EIF4G3: variants seen among roughly 807,000 people sequenced by gnomAD.
The protein encoded by EIF4G3 is eIF-4-gamma 3.
Under a neutral mutation model 186.4 loss-of-function variants are expected in EIF4G3, and 34 were observed. The observed-to-expected ratio is 0.18, with a 90% CI of 0.14 to 0.24. The LOEUF (loss-of-function observed/expected upper bound fraction) is 0.24. Among genes scored for constraint, EIF4G3 ranks in the 10% least tolerant of loss-of-function variants. EIF4G3 has a pLI of 1.00. For missense variants in EIF4G3, 1,536 were observed against 1,948.5 expected (o/e 0.79, Z 3.99); for synonymous variants, 673 against 679.5 (o/e 0.99, Z 0.15).
chr1:20,986,886 A>T (rs569381255), intron 7 of EIF4G3, among the ~76,000 whole-genome samples: 2 of 152,082 alleles, frequency 1.3e-5, no homozygotes, highest in Non-Finnish European at 2.9e-5. Flanking sequence ...ACTTCATTTC[A>T]ATCTGTTTTA....
intron 4 of EIF4G3, among the ~76,000 whole-genome samples, chr1:21,036,219 C>T (rs2093185068): frequency 6.6e-6 from 1 of 152,016 alleles, no homozygotes; most frequent in South Asian, 2.1e-4. Flanking sequence ...ACTCTAGGGC[C>T]TCCTCTCTGC....
rs148168714 is a variant in EIF4G3 at position 20,983,687 on chromosome 1, T to C, written c.178-1279A>G. Among the ~76,000 whole-genome samples, 96 of 152,302 alleles carry C rather than the reference T, an allele frequency of 6.3e-4. 4 individuals carry two copies. The South Asian group carries it at 0.018, about 29-fold the overall frequency. ...AGGCAGAGGATAAAAATCTTAATAC[T>C]GAAAGATCCTTTGAAATCAACTGTA... On this transcript the variant is annotated intron_variant, in intron 7 of 36. Transcript: ENST00000602326.
At chr1:21,055,704 G>C (rs2094531657) in intron 3 of EIF4G3, among the ~76,000 whole-genome samples, 1 of 151,938 alleles carries the variant, frequency 6.6e-6, no homozygotes, top group Non-Finnish European at 1.5e-5. Flanking sequence ...TATATCCAGT[G>C]CATTTCATAT....
intron 4 of EIF4G3, among the ~76,000 whole-genome samples, chr1:21,018,739 T>A (rs2154570620): frequency 6.6e-6 from 1 of 152,176 alleles, no homozygotes; most frequent in Middle Eastern, 3.4e-3. Context: ...CTCACTTAGT[T>A]CCCTTAAGAA....
At chr1:20,944,000 G>T (rs1157959937) in intron 13 of EIF4G3, among the ~76,000 whole-genome samples, 1 of 146,662 alleles carries the variant, frequency 6.8e-6, no homozygotes, top group African/African-American at 2.5e-5. Flanking sequence ...GTGTGTGTGT[G>T]TGTGTGTGTG....
chr1:20,886,585 G>A (rs1366904164), intron 18 of EIF4G3, among the ~76,000 whole-genome samples: 1 of 152,106 alleles, frequency 6.6e-6, no homozygotes, highest in Non-Finnish European at 1.5e-5. Context: ...TTTTGAACAA[G>A]AGGCCTTTTT....
chr1:21,010,581 ACT>A (rs1201244786), intron 4 of EIF4G3, among the ~76,000 whole-genome samples: 1 of 152,100 alleles, frequency 6.6e-6, no homozygotes, highest in Non-Finnish European at 1.5e-5. Flanking sequence ...CAAAAAACAA[ACT>A]CTATAACCAC....
chr1:21,014,800 G>C (rs6698462), intron 4 of EIF4G3, among the ~76,000 whole-genome samples: 66,481 of 151,590 alleles, frequency 0.44, 14,948 homozygotes, highest in Non-Finnish European at 0.47. Context: ...CACCCGGCTA[G>C]TTTTAGTATT....
At chr1:20,925,014 A>G (rs2094779472) in intron 14 of EIF4G3, among the ~76,000 whole-genome samples, 1 of 152,216 alleles carries the variant, frequency 6.6e-6, no homozygotes, top group African/African-American at 2.4e-5. Context: ...TGTCTTCCCC[A>G]TCTTGCTCTT....
intron 2 of EIF4G3, chr1:21,167,860 T>C (rs2097884631): frequency 3.5e-6 from 1 of 283,008 alleles, no homozygotes; most frequent in Admixed American, 5.5e-5. Flanking sequence ...GAAATGTAAA[T>C]AATTGTATGG....
At chr1:20,863,078 T>C (rs1444677885) in intron 22 of EIF4G3, among the ~76,000 whole-genome samples, 2 of 152,008 alleles carry the variant, frequency 1.3e-5, no homozygotes, top group Non-Finnish European at 2.9e-5. Context: ...TGTGAGCCAC[T>C]GTGCCCGGCC....
At chr1:21,082,208 A>G (rs912448679) in intron 3 of EIF4G3, among the ~76,000 whole-genome samples, 13 of 149,784 alleles carry the variant, frequency 8.7e-5, no homozygotes, top group African/African-American at 2.7e-4. Flanking sequence ...ATCTTTGTGT[A>G]ATTTTGAGAC....
At chr1:21,053,799 G>A (rs1003967999) in intron 3 of EIF4G3, among the ~76,000 whole-genome samples, 44 of 148,836 alleles carry the variant, frequency 3.0e-4, no homozygotes, top group Non-Finnish European at 6.3e-4. Flanking sequence ...CTACTGGGAA[G>A]AGAGGAGCCC....
rs2058925690 is a variant in EIF4G3, at chr1:20,810,016, G to GC, written c.4744+721dup. On this transcript the variant is annotated intron_variant, in intron 36 of 36. Transcript: ENST00000602326. This position sits in a 1 kb window ranked among gnomAD's most constrained non-coding sequence, Gnocchi z 4.1. The stretch of plus-strand genomic sequence containing the variant: ...GACAGAGTCTTGCTCTGTTGTCCAG[G>GC]CCGGAGTGCAGTGGCGCCATCTTGG... Among the ~76,000 whole-genome samples the GC allele has an allele frequency of 1.3e-5, 2 of 152,072 alleles. No homozygotes were observed. Among genetic ancestry groups the GC allele is most frequent in the East Asian group, 3.9e-4 (2 of 5,182 alleles).
intron 30 of EIF4G3, among the ~76,000 whole-genome samples, chr1:20,830,188 G>C (rs1326513978): frequency 6.6e-6 from 1 of 152,154 alleles, no homozygotes; most frequent in Non-Finnish European, 1.5e-5. Flanking sequence ...TAAAACGTGT[G>C]CTTTTCCACT....
At chr1:20,896,975 T>C (rs1033764259) in intron 16 of EIF4G3, among the ~76,000 whole-genome samples, 2 of 152,228 alleles carry the variant, frequency 1.3e-5, no homozygotes, top group Non-Finnish European at 2.9e-5. Context: ...AATACTCTTT[T>C]GTTTGCACAA....
chr1:21,094,339 T>C (rs532139297), intron 2 of EIF4G3, among the ~76,000 whole-genome samples: 2 of 152,038 alleles, frequency 1.3e-5, no homozygotes, highest in East Asian at 3.9e-4. Flanking sequence ...TGCGGCACAA[T>C]TCACAACAGC....
chr1:21,091,424 G>C (rs940477629), intron 2 of EIF4G3, among the ~76,000 whole-genome samples: 7 of 152,068 alleles, frequency 4.6e-5, no homozygotes, highest in Non-Finnish European at 8.8e-5. Context: ...GCCTCCCAAA[G>C]TGCTAGGATT....
intron 3 of EIF4G3, among the ~76,000 whole-genome samples, chr1:21,070,523 T>C (rs1033112196): frequency 3.9e-4 from 59 of 152,226 alleles, no homozygotes; most frequent in African/African-American, 1.4e-3. Context: ...ACCTACTTCA[T>C]TCTTGTTCTA....
Sources: gnomAD v4.1 joint callset for allele counts (sites outside exome capture counted in the v4.1 genomes callset) on GRCh38, gnomAD v4.1.1 for gene constraint, Gnocchi (gnomAD v3.1) non-coding constraint, MANE v1.5 for transcripts, NCBI Gene and HGNC (gene_info 2026-07-23, HGNC 2026-07-21) for gene names.